TNKS1BP1: variants seen among roughly 807,000 people sequenced by gnomAD.
TNKS1BP1 encodes the protein 182 kDa tankyrase-1-binding protein.
In TNKS1BP1, 48 loss-of-function variants were observed where a neutral mutation model predicts 141.1. The observed-to-expected ratio is 0.34, with a 90% CI of 0.27 to 0.43. The LOEUF is 0.43. Among genes scored for constraint, TNKS1BP1 ranks in the 20% least tolerant of loss-of-function variants. TNKS1BP1 has a pLI of 1.00. For synonymous variants in TNKS1BP1, 875 were observed against 898.2 expected (o/e 0.97, Z 0.46); for missense variants, 2,149 against 2,226.0 (o/e 0.97, Z 0.70).
At position 57,319,988 on chromosome 11, in the gene TNKS1BP1, T is replaced by TG. The variant is rs145310406; in HGVS notation, c.728+90dup. The TG allele has an allele frequency of 1.3e-3, 1,946 of 1,537,036 alleles. 29 individuals carry two copies. The African/African-American group carries it at 0.025, about 20-fold the overall frequency. On this transcript the variant is annotated intron_variant, in intron 3 of 11. Transcript: ENST00000358252. ...TACAGGTAAAAGTCACAACCCTATA[T>TG]GGGGCCATGCACTTGGTCCCCAGCC...
Position 57,300,576 on chromosome 11 carries a change from C to T in TNKS1BP1, c.5154G>A (p.Trp1718Ter). The T allele has an allele frequency of 1.9e-6, 3 of 1,614,210 alleles. No individual in the cohort carries two copies. Among genetic ancestry groups the T allele is most frequent in the Non-Finnish European group, 2.5e-6 (3 of 1,180,040 alleles). The part of the protein sequence containing the change: ...SSGSEGSSPN[W>*]LQALKLKKKK... Reference sequence around the variant, plus strand: ...TCTTCTTCAGTTTCAGGGCTTGAAGCCAGTTGGGCGACGATCCTTCTGACC... The same window carrying T: ...TCTTCTTCAGTTTCAGGGCTTGAAGTCAGTTGGGCGACGATCCTTCTGACC... Residue 1718 changes from tryptophan to a stop codon, truncating the protein, a stop_gained, in exon 11 of 12, where the codon TGG becomes TGA. Coordinates refer to ENST00000358252, the MANE Select transcript of TNKS1BP1 (RefSeq NM_033396.3). LOFTEE classifies it high-confidence loss of function.
In TNKS1BP1 at chr11:57,324,927, CCGT is replaced by C; in HGVS notation, c.-156_-154del. Reference sequence around the variant, plus strand: ...GCCGCTGCTACCGCCGCCGCCGCCGCCGTCACCGCGGGACGAAGCCACTGCGAG... The same window carrying C: ...GCCGCTGCTACCGCCGCCGCCGCCGCCACCGCGGGACGAAGCCACTGCGAG... On this transcript the variant is annotated 5_prime_UTR_variant, in exon 1 of 12. Coordinates refer to ENST00000358252, the MANE Select transcript of TNKS1BP1 (RefSeq NM_033396.3). The C allele has an allele frequency of 1.0e-6, 1 of 994,184 alleles. No individual in the cohort carries two copies. The highest frequency in any genetic ancestry group is 4.5e-5 in the South Asian group (1 of 22,230). The allele number at this position is 994,184 out of a possible 1,614,324, so 61.6% of individuals were successfully genotyped here. A position where few individuals can be genotyped will look rare whatever the true frequency, so the allele number is the denominator to read the frequency against.
rs767400613 is a variant in TNKS1BP1 at position 57,308,834 on chromosome 11, C to T, written c.3877G>A (p.Gly1293Arg). Residue 1293 changes from glycine to arginine, a missense_variant, in exon 6 of 12, where the codon GGG becomes AGG. By Grantham distance (125) the Gly-to-Arg change is moderately radical. Transcript: ENST00000358252. ...PDLGLRNMAP[G>R]AVCSPGESKE... ...GACTCTCCAGGACTGCAGACTGCCCCTGGGGCCATGTTTCTCAGCCCAAGG... is the reference window on the plus strand; with the variant it reads ...GACTCTCCAGGACTGCAGACTGCCCTTGGGGCCATGTTTCTCAGCCCAAGG... 6.2e-7 allele frequency: 1 copy of T among 1,614,142 alleles called. No individual in the cohort carries two copies. The highest frequency in any genetic ancestry group is 1.1e-5 in the South Asian group (1 of 91,078).
In TNKS1BP1 at chr11:57,313,206, G is replaced by A; in HGVS notation, c.1482C>T (p.Ser494=). 2 of 1,612,468 alleles carry A rather than the reference G, an allele frequency of 1.2e-6. No homozygotes were observed. Among genetic ancestry groups the A allele is most frequent in the Non-Finnish European group, 1.7e-6 (2 of 1,179,876 alleles). ...CTTCAGTGATGGGGGAGGGAGGCGG[G>A]GAGTCCAGCCGCCACACGCCCAGAC... ...PSGLGVWRLD[S]PPPSPITEAS... The change falls in exon 5 of 12, where the codon TCC becomes TCT. Residue 494 remains serine, a synonymous_variant. Transcript: ENST00000358252.
intron 4 of TNKS1BP1, 90 bp downstream of exon 4, chr11:57,317,728 C>T: frequency 3.7e-6 from 5 of 1,362,714 alleles, no homozygotes; most frequent in Non-Finnish European, 5.1e-6. Flanking sequence ...GTTTCCCCAT[C>T]TGAACTACAA....
chr11:57,314,015 G>C (rs1261839315), intron 4 of TNKS1BP1, 126 bp from the exon 5 acceptor site: 1 of 1,129,900 alleles, frequency 8.9e-7, no homozygotes, highest in Non-Finnish European at 1.2e-6. Context: ...TGGAACCCGA[G>C]GGGGTCCTCT....
At position 57,321,753 on chromosome 11, in the gene TNKS1BP1, C is replaced by A. The variant is rs199523346; in HGVS notation, c.94+39G>T. ...GGGCAGCCTCTGTCCTTCCCACCCC[C>A]CTCCCAGCCACCTGGCTCCACCCTG... On this transcript the variant is annotated intron_variant, in intron 2 of 11. Coordinates refer to ENST00000358252, the MANE Select transcript of TNKS1BP1 (RefSeq NM_033396.3). 76 of 1,512,332 alleles carry A rather than the reference C, an allele frequency of 5.0e-5. 1 individual carries two copies. In the Middle Eastern group the frequency reaches 1.6e-3, roughly 32 times the overall value. The allele number at this position is 1,512,332 out of a possible 1,614,324, so 93.7% of individuals were successfully genotyped here. A position where few individuals can be genotyped will look rare whatever the true frequency, so the allele number is the denominator to read the frequency against.
chr11:57,308,124 G>A (rs376292050), intron 6 of TNKS1BP1, among the ~76,000 whole-genome samples: 5 of 152,144 alleles, frequency 3.3e-5, no homozygotes, highest in East Asian at 1.9e-4. Flanking sequence ...CATTTCCCCC[G>A]TCACAGTCAC....
In TNKS1BP1 at chr11:57,310,009, T is replaced by C; in HGVS notation, c.2702A>G (p.Asp901Gly). 1 of 1,614,084 alleles carries C rather than the reference T, an allele frequency of 6.2e-7. No individual in the cohort carries two copies. The highest frequency in any genetic ancestry group is 8.5e-7 in the Non-Finnish European group (1 of 1,179,936). ...CAAATCTTGGCCCTGCTCGTTGGCA[T>C]CTTGGCTGGCATAAGCACCCAGAGA... ...RDSLGAYASQ[D>G]ANEQGQDLGK... is the part of the protein sequence containing the mutation. Residue 901 changes from aspartate to glycine, a missense_variant, in exon 6 of 12, where the codon GAT becomes GGT. Coordinates refer to ENST00000358252, the MANE Select transcript of TNKS1BP1 (RefSeq NM_033396.3).
In TNKS1BP1 at chr11:57,308,537, C is replaced by A; in HGVS notation, c.4174G>T (p.Asp1392Tyr). 1.2e-6 allele frequency: 2 copies of A among 1,614,204 alleles called. No homozygotes were observed. The highest frequency in any genetic ancestry group is 1.7e-6 in the Non-Finnish European group (2 of 1,180,026). Reference protein sequence around the residue: ...GSLSPGLEARDPLEARELGVG... With the variant: ...GSLSPGLEARYPLEARELGVG... ...CCCAGCTCCCTGGCCTCCAAGGGGT[C>A]TCTGGCCTCCAGGCCAGGAGACAAG... Residue 1392 changes from aspartate to tyrosine, a missense_variant, in exon 6 of 12, where the codon GAC becomes TAC. Coordinates refer to ENST00000358252, the MANE Select transcript of TNKS1BP1 (RefSeq NM_033396.3).
Position 57,309,611 on chromosome 11 carries a change from G to A in TNKS1BP1, c.3100C>T (p.His1034Tyr). ...SGGLFSPSTA[H>Y]VPDGALGQRD... ...TGCCCGAGTGCCCCATCCGGCACGT[G>A]GGCAGTGCTAGGACTGAACAAGCCC... The change falls in exon 6 of 12, where the codon CAC (histidine) becomes TAC (tyrosine). Residue 1034 changes from histidine to tyrosine, a missense_variant. By Grantham distance (83) the His-to-Tyr change is moderately conservative (BLOSUM62 2). Coordinates refer to ENST00000358252, the MANE Select transcript of TNKS1BP1 (RefSeq NM_033396.3). The surrounding 1 kb of genome is among the most constrained non-coding windows in gnomAD (Gnocchi z 4.3). The A allele has an allele frequency of 6.2e-7, 1 of 1,613,926 alleles. No homozygotes were observed. Among genetic ancestry groups the A allele is most frequent in the South Asian group, 1.1e-5 (1 of 91,084 alleles).
chr11:57,320,017 A>AAACCCCCCC, intron 3 of TNKS1BP1, 62 bp downstream of exon 3: 10 of 483,134 alleles, frequency 2.1e-5, no homozygotes, highest in Admixed American at 3.0e-5. Flanking sequence ...CCCAGCCCCC[A>AAACCCCCCC]CCCAATCCCA....
intron 6 of TNKS1BP1, among the ~76,000 whole-genome samples, chr11:57,303,987 C>T (rs1855569606): frequency 6.6e-6 from 1 of 152,148 alleles, no homozygotes; most frequent in South Asian, 2.1e-4. Flanking sequence ...CATTCACATT[C>T]ATCACCATCA....
chr11:57,323,217 C>A (rs1855913843), intron 1 of TNKS1BP1, among the ~76,000 whole-genome samples: 2 of 152,118 alleles, frequency 1.3e-5, no homozygotes, highest in South Asian at 4.1e-4. Flanking sequence ...CTCCTCTTCC[C>A]TGACCCCAGG....
chr11:57,315,130 A>G (rs1400605430), intron 4 of TNKS1BP1, among the ~76,000 whole-genome samples: 1 of 151,888 alleles, frequency 6.6e-6, no homozygotes, highest in Non-Finnish European at 1.5e-5. Flanking sequence ...CCTCTTCCTC[A>G]GTGACTGTGC....
chr11:57,319,949 G>T, intron 3 of TNKS1BP1, 130 bp downstream of exon 3: 1 of 1,239,420 alleles, frequency 8.1e-7, no homozygotes, highest in Non-Finnish European at 1.1e-6. Context: ...TGTACTCACA[G>T]CACACAACCA....
Position 57,324,857 on chromosome 11 carries a change from G to A in TNKS1BP1, c.-83C>T. On this transcript the variant is annotated 5_prime_UTR_variant, in exon 1 of 12. Transcript: ENST00000358252. ...GCACTCACGCGCTCGCCCGGGGTCCGGCTCCGCTCGGCTCGGGGCCCCGAT... is the reference window on the plus strand; with the variant it reads ...GCACTCACGCGCTCGCCCGGGGTCCAGCTCCGCTCGGCTCGGGGCCCCGAT... 1 of 986,908 alleles carries A rather than the reference G, an allele frequency of 1.0e-6. No individual in the cohort carries two copies. Among genetic ancestry groups the A allele is most frequent in the Non-Finnish European group, 1.2e-6 (1 of 831,514 alleles). 61.1% of individuals were successfully genotyped at this position (986,908 alleles called of 1,614,324 possible).
At chr11:57,321,992 G>A (rs748390568) in intron 1 of TNKS1BP1, 42 bp from the exon 2 acceptor site, 154 of 1,458,610 alleles carry the variant, frequency 1.1e-4, no homozygotes, top group Middle Eastern at 7.4e-4. Context: ...AGAGTTGGGC[G>A]TTGCCAGTAG....
In TNKS1BP1 at chr11:57,302,636, G is replaced by T; in HGVS notation, c.4506C>A (p.Asp1502Glu). ...AQEEVLEPGR[D>E]SPPSWRPQPD... ...GCTGCGGCCTCCAGGAGGGTGGAGA[G>T]TCCCTGCCAGGCTCCAGCACCTCCT... The change falls in exon 7 of 12, where the codon GAC becomes GAA. Residue 1502 changes from aspartate (D) to glutamate (E), a missense_variant. Coordinates refer to ENST00000358252, the MANE Select transcript of TNKS1BP1 (RefSeq NM_033396.3). The surrounding 1 kb of genome is among the most constrained non-coding windows in gnomAD (Gnocchi z 5.5). 1 of 1,611,184 alleles carries T rather than the reference G, an allele frequency of 6.2e-7. No homozygotes were observed.
Sources: allele counts gnomAD v4.1 joint callset (sites outside exome capture counted in the v4.1 genomes callset), GRCh38; gene constraint gnomAD v4.1.1; non-coding constraint Gnocchi (gnomAD v3.1); transcripts MANE v1.5; gene names NCBI Gene and HGNC (gene_info 2026-07-23, HGNC 2026-07-21).